SUSD2: variants seen among roughly 807,000 people sequenced by gnomAD.
The protein encoded by SUSD2 is sushi domain-containing protein 2.
In SUSD2, 86 loss-of-function variants were observed where a neutral mutation model predicts 93.8. The observed-to-expected ratio is 0.92, with a 90% CI of 0.77 to 1.10. The LOEUF (loss-of-function observed/expected upper bound fraction) is 1.10, where lower values mean the gene tolerates loss of function less well. Ranked by LOEUF, SUSD2 falls within the 50% of genes least tolerant of loss-of-function variation. The pLI is 0.00. For synonymous variants in SUSD2, 483 were observed against 485.0 expected, an observed-to-expected ratio of 1.00 and a Z score of 0.05; for missense variants, 1,060 against 1,137.0, an observed-to-expected ratio of 0.93 and a Z score of 0.97.
At chr22:24,181,715 T>C (rs2047469569) in intron 1 of SUSD2, 120 bp downstream of exon 1, 6 of 785,594 alleles carry the variant, frequency 7.6e-6, no homozygotes, top group Non-Finnish European at 1.2e-5. Flanking sequence ...GTGGCTGTGC[T>C]AGGGGTGATG....
At chr22:24,184,418 G>C in intron 4 of SUSD2, 115 bp downstream of exon 4, 1 of 1,138,894 alleles carries the variant, frequency 8.8e-7, no homozygotes, top group Non-Finnish European at 1.2e-6. Flanking sequence ...GTTGAGGAGG[G>C]AAGGGAATTC....
chr22:24,183,975 G>C (rs1304091943), intron 3 of SUSD2, 161 bp from the exon 4 acceptor site: 6 of 726,472 alleles, frequency 8.3e-6, no homozygotes, highest in Admixed American at 2.7e-5. Context: ...CCCTGCCTCT[G>C]CGGCCTCAGC....
chr22:24,182,914 T>C (rs1230333957), intron 1 of SUSD2, 143 bp from the exon 2 acceptor site: 11 of 645,968 alleles, frequency 1.7e-5, no homozygotes, highest in Admixed American at 1.1e-4. Context: ...TGTGTCCACC[T>C]GGTGGCCTGT....
chr22:24,181,745 C>A, intron 1 of SUSD2, 150 bp downstream of exon 1: 1 of 636,992 alleles, frequency 1.6e-6, no homozygotes, highest in Non-Finnish European at 2.6e-6. Context: ...TCTGAGGGTC[C>A]ATGTGGAGGG....
Position 24,187,293 on chromosome 22 carries a change from G to C in SUSD2, c.1734G>C (p.Leu578=), listed in dbSNP as rs1331152113. The C allele has an allele frequency of 1.2e-6, 2 of 1,613,958 alleles. No individual in the cohort carries two copies. Among genetic ancestry groups the C allele is most frequent in the Non-Finnish European group, 1.7e-6 (2 of 1,180,034 alleles). The stretch of plus-strand genomic sequence containing the variant: ...AGGTCAGCGTGCAGGGCCCGTTCCT[G>C]AGTGTGTCCGTCCTGCTGCCTGAGA... ...GLEVSVQGPF[L]SVSVLLPEKF... is the part of the protein sequence containing the mutation. The change falls in exon 11 of 15, where the codon CTG becomes CTC. Residue 578 remains leucine, a synonymous_variant. Transcript: ENST00000358321.
intron 11 of SUSD2, 59 bp downstream of exon 11, chr22:24,187,509 G>A (rs1569341162): frequency 1.1e-5 from 17 of 1,604,688 alleles, no homozygotes; most frequent in South Asian, 2.2e-5. Flanking sequence ...AACATGGCAC[G>A]GGCAGGGCTT....
intron 10 of SUSD2, 96 bp from the exon 11 acceptor site, chr22:24,187,106 C>T (rs2047371682): frequency 6.6e-7 from 1 of 1,512,082 alleles, no homozygotes; most frequent in South Asian, 1.2e-5. Context: ...GTGCCCTCAC[C>T]CACAGCCCCT....
In SUSD2 at chr22:24,187,382, C is replaced by T. The variant is rs779379455; in HGVS notation, c.1823C>T (p.Thr608Ile). The T allele has an allele frequency of 1.9e-5, 31 of 1,613,784 alleles. No individual in the cohort carries two copies. The highest frequency in any genetic ancestry group is 5.5e-5 in the South Asian group (5 of 91,080). ...TLNNDPTDDF[T>I]LHSGRVLPPG... ...AACAACGACCCCACCGACGACTTCA[C>T]CCTGCACAGCGGGCGCGTCCTGCCC... The change falls in exon 11 of 15, where the codon ACC becomes ATC. Residue 608 changes from threonine to isoleucine, a missense_variant. Coordinates refer to ENST00000358321, the MANE Select transcript of SUSD2 (RefSeq NM_019601.4).
chr22:24,181,647 G>A, intron 1 of SUSD2, 52 bp downstream of exon 1: 1 of 1,424,046 alleles, frequency 7.0e-7, no homozygotes. Context: ...TCTGTCTGCA[G>A]CCAGGCCTGG....
In SUSD2 at chr22:24,188,369, G is replaced by T; in HGVS notation, c.2444+42G>T. ...CCTCTCCCAAGACCCCGAGACAGCC[G>T]GTGGGACCACCGAGGCTACTTCTAA... On this transcript the variant is annotated intron_variant, in intron 14 of 14. Transcript: ENST00000358321. This position sits in a 1 kb window ranked among gnomAD's most constrained non-coding sequence, Gnocchi z 4.7. 1 of 1,610,838 alleles carries T rather than the reference G, an allele frequency of 6.2e-7. No individual in the cohort carries two copies.
chr22:24,182,860 G>C (rs375510507), intron 1 of SUSD2, 197 bp from the exon 2 acceptor site: 15 of 595,630 alleles, frequency 2.5e-5, no homozygotes, highest in African/African-American at 1.7e-4. Context: ...CAGATGGTCT[G>C]TGCTAAGATT....
rs953593766 is a variant in SUSD2 at position 24,188,860 on chromosome 22, C to T, written c.*424C>T. The T allele has an allele frequency of 9.3e-5, 17 of 183,348 alleles. No individual in the cohort carries two copies. Among genetic ancestry groups the T allele is most frequent in the African/African-American group, 3.1e-4 (13 of 42,182 alleles). 11.4% of individuals were successfully genotyped at this position (183,348 alleles called of 1,614,324 possible). ...GCCGGGGCCCCTGACCCCTGATCTA[C>T]GGAGGCCTGCTCCCGGACCGTGCGG... On this transcript the variant is annotated 3_prime_UTR_variant, in exon 15 of 15. Coordinates refer to ENST00000358321, the MANE Select transcript of SUSD2 (RefSeq NM_019601.4). The surrounding 1 kb of genome is among the most constrained non-coding windows in gnomAD (Gnocchi z 4.7).
In SUSD2 at chr22:24,185,348, T is replaced by A; in HGVS notation, c.984+53T>A. The A allele has an allele frequency of 2.5e-6, 4 of 1,573,594 alleles. No individual in the cohort carries two copies. In the South Asian group the frequency reaches 4.5e-5, roughly 18 times the overall value. ...GGGGATGAGGGGTTAGCCTCCCCAC[T>A]GAGGACAGCACCAGGGGAGGCAGAC... On this transcript the variant is annotated intron_variant, in intron 6 of 14. Coordinates refer to ENST00000358321, the MANE Select transcript of SUSD2 (RefSeq NM_019601.4).
At position 24,187,688 on chromosome 22, in the gene SUSD2, C is replaced by A. The variant is rs1167597007; in HGVS notation, c.2009C>A (p.Thr670Asn). Reference protein sequence around the residue: ...TFEPLFPSETTLNPSLAQEAA... With the variant: ...TFEPLFPSETNLNPSLAQEAA... ...GAGCCCCTCTTCCCCAGTGAGACCA[C>A]CCTCAACCCCAGCCTGGCACAAGAG... The change falls in exon 12 of 15, where the codon ACC becomes AAC. Residue 670 changes from threonine (T) to asparagine (N), a missense_variant. This residue lies in a region of SUSD2 where 973 missense variants were observed against 1,005.3 expected (regional missense o/e 0.97). Transcript: ENST00000358321. 1.2e-6 allele frequency: 2 copies of A among 1,614,134 alleles called. No homozygotes were observed. The highest frequency in any genetic ancestry group is 1.3e-5 in the African/African-American group (1 of 75,056).
rs141867855 is a variant in SUSD2 at position 24,181,785 on chromosome 22, G to A, written c.76+190G>A. Among the ~76,000 whole-genome samples the A allele has an allele frequency of 5.0e-3, 767 of 152,302 alleles. 5 individuals are homozygous for A. The highest frequency in any genetic ancestry group is 0.013 in the South Asian group (61 of 4,828). On this transcript the variant is annotated intron_variant, in intron 1 of 14. Transcript: ENST00000358321. The stretch of plus-strand genomic sequence containing the variant: ...CCCATGGGGATGGGAGGTCTGAGCC[G>A]GGCCCACCCTAAACCTGCTGGTAGC...
In SUSD2 at chr22:24,186,053, C is replaced by T. The variant is rs372752925; in HGVS notation, c.1377C>T (p.Asp459=). The change falls in exon 9 of 15, where the codon GAC becomes GAT. Residue 459 remains aspartate, a synonymous_variant. Transcript: ENST00000358321. The stretch of plus-strand genomic sequence containing the variant: ...GAGACCCACACTTTGTGACCTTCGA[C>T]GGCACCAACTTCACATTCAATGGGC... ...AFGDPHFVTF[D]GTNFTFNGRG... The T allele has an allele frequency of 1.4e-5, 22 of 1,612,260 alleles. No homozygotes were observed. The highest frequency in any genetic ancestry group is 1.4e-5 in the Non-Finnish European group (16 of 1,179,330).
rs778991025 is a variant in SUSD2, at chr22:24,187,358, ACAACGACCCCAC to A, written c.1801_1812del (p.Asn601_Thr604del). 1.2e-6 allele frequency: 2 copies of A among 1,614,060 alleles called. No individual in the cohort carries two copies. The highest frequency in any genetic ancestry group is 1.7e-6 in the Non-Finnish European group (2 of 1,180,016). On this transcript the variant is annotated inframe_deletion, in exon 11 of 15. Transcript: ENST00000358321. ...ACCCACGGCCTCCTCGGGACACTCA[ACAACGACCCCAC>A]CGACGACTTCACCCTGCACAGCGGG...
chr22:24,182,266 G>T (rs1002616089), intron 1 of SUSD2, among the ~76,000 whole-genome samples: 1 of 152,296 alleles, frequency 6.6e-6, no homozygotes, highest in South Asian at 2.1e-4. Flanking sequence ...GTCCCTCCCT[G>T]CAACCCTTCC....
intron 1 of SUSD2, 149 bp downstream of exon 1, chr22:24,181,744 C>A: frequency 1.6e-6 from 1 of 643,858 alleles, no homozygotes; most frequent in Non-Finnish European, 2.5e-6. Context: ...TTCTGAGGGT[C>A]CATGTGGAGG....
Sources: allele counts gnomAD v4.1 joint callset (sites outside exome capture counted in the v4.1 genomes callset), GRCh38; gene constraint gnomAD v4.1.1; regional missense constraint gnomAD v4.1.1; non-coding constraint Gnocchi (gnomAD v3.1); transcripts MANE v1.5; gene names NCBI Gene and HGNC (gene_info 2026-07-23, HGNC 2026-07-21).